The following HS6ST3 variants were observed in gnomAD, a reference collection of about 807,000 sequenced individuals.
HS6ST3 encodes heparan-sulfate 6-O-sulfotransferase 3.
HS6ST3 carries 12 observed loss-of-function variants against 36.7 expected under a neutral mutation model. The observed-to-expected ratio is 0.33, with a 90% CI of 0.21 to 0.53. The LOEUF (loss-of-function observed/expected upper bound fraction) is 0.53. Among genes scored for constraint, HS6ST3 ranks in the 20% least tolerant of loss-of-function variants. The pLI is 0.95. For synonymous variants in HS6ST3, 240 were observed against 257.5 expected (o/e 0.93, Z 0.65); for missense variants, 584 against 640.9 (o/e 0.91, Z 0.96).
At chr13:96,654,121 T>G (rs2056616515) in intron 1 of HS6ST3, among the ~76,000 whole-genome samples, 1 of 152,192 alleles carries the variant, frequency 6.6e-6, no homozygotes, top group African/African-American at 2.4e-5. Context: ...CTTTGTCAGA[T>G]GGATAGATTA....
At chr13:96,097,347 C>T (rs2139292860) in intron 1 of HS6ST3, among the ~76,000 whole-genome samples, 1 of 152,184 alleles carries the variant, frequency 6.6e-6, no homozygotes, top group East Asian at 1.9e-4. Flanking sequence ...CAATCAGAAG[C>T]TTATGGCATT....
chr13:96,297,413 G>A (rs997566065), intron 1 of HS6ST3, among the ~76,000 whole-genome samples: 4 of 152,004 alleles, frequency 2.6e-5, no homozygotes, highest in African/African-American at 9.7e-5. Context: ...TCCTATCAAA[G>A]TAATTAAACC....
chr13:96,184,537 A>G (rs2054256554), intron 1 of HS6ST3, among the ~76,000 whole-genome samples: 1 of 152,136 alleles, frequency 6.6e-6, no homozygotes, highest in African/African-American at 2.4e-5. Context: ...GCCCTAGGCC[A>G]TGCGCTTTCC....
chr13:96,357,506 G>A (rs2139434095), intron 1 of HS6ST3, among the ~76,000 whole-genome samples: 1 of 152,312 alleles, frequency 6.6e-6, no homozygotes, highest in South Asian at 2.1e-4. Context: ...TGAGGAGAGA[G>A]AGAAAGCTAG....
At chr13:96,242,310 G>A (rs2139373220) in intron 1 of HS6ST3, among the ~76,000 whole-genome samples, 1 of 150,650 alleles carries the variant, frequency 6.6e-6, no homozygotes, top group Admixed American at 6.6e-5. Context: ...CTTCAGCCTT[G>A]ACCTCCCGGG....
intron 1 of HS6ST3, among the ~76,000 whole-genome samples, chr13:96,262,346 C>T (rs2054670489): frequency 6.6e-6 from 1 of 152,116 alleles, no homozygotes; most frequent in Non-Finnish European, 1.5e-5. Flanking sequence ...AGCTTTAAGA[C>T]AGAAGCATTA....
intron 1 of HS6ST3, among the ~76,000 whole-genome samples, chr13:96,616,584 A>C (rs2056475145): frequency 6.6e-6 from 1 of 152,172 alleles, no homozygotes; most frequent in African/African-American, 2.4e-5. Context: ...TTTCATAGAA[A>C]TTACTCTGTT....
At chr13:96,209,260 G>A (rs76734085) in intron 1 of HS6ST3, among the ~76,000 whole-genome samples, 5,077 of 152,214 alleles carry the variant, frequency 0.033, 105 homozygotes, top group Middle Eastern at 0.075. Context: ...TAGCGGTAGC[G>A]GGGATCATAT....
chr13:96,255,938 C>A (rs1332151137), intron 1 of HS6ST3, among the ~76,000 whole-genome samples: 1 of 152,182 alleles, frequency 6.6e-6, no homozygotes, highest in Non-Finnish European at 1.5e-5. Flanking sequence ...ATTACCGTTT[C>A]CTTCACAAAT....
In HS6ST3 at chr13:96,704,060, C is replaced by T. The variant is rs1178161592; in HGVS notation, c.708-128430C>T. ...ACCTCTTTCGTTATAAATTGTCTGT[C>T]CTCAGGCAGTTCTTTATAGACGTGT... On this transcript the variant is annotated intron_variant, in intron 1 of 1. Coordinates refer to ENST00000376705, the MANE Select transcript of HS6ST3 (RefSeq NM_153456.4). Among the ~76,000 whole-genome samples the T allele has an allele frequency of 3.9e-5, 6 of 152,274 alleles. No homozygotes were observed. The East Asian group carries it at 5.8e-4, about 15-fold the overall frequency.
chr13:96,224,611 G>A (rs186406500), intron 1 of HS6ST3, among the ~76,000 whole-genome samples: 1,772 of 152,254 alleles, frequency 0.012, 37 homozygotes, highest in African/African-American at 0.041. Flanking sequence ...CATCACAGCC[G>A]ATCTGTATGT....
At chr13:96,200,099 C>T (rs1025497563) in intron 1 of HS6ST3, among the ~76,000 whole-genome samples, 3 of 152,152 alleles carry the variant, frequency 2.0e-5, no homozygotes, top group Admixed American at 6.5e-5. Context: ...GATAAAGTAT[C>T]AGAACTGAAA....
intron 1 of HS6ST3, among the ~76,000 whole-genome samples, chr13:96,598,240 C>T (rs879670892): frequency 8.6e-5 from 13 of 151,952 alleles, no homozygotes; most frequent in Admixed American, 4.6e-4. Flanking sequence ...ATAGGAATTG[C>T]GTTGAAACTG....
At chr13:96,396,364 T>G (rs895082991) in intron 1 of HS6ST3, among the ~76,000 whole-genome samples, 1 of 152,064 alleles carries the variant, frequency 6.6e-6, no homozygotes, top group Non-Finnish European at 1.5e-5. Context: ...TCAGATAACA[T>G]CTATAGGATA....
chr13:96,474,543 A>G (rs966005420), intron 1 of HS6ST3, among the ~76,000 whole-genome samples: 5 of 152,226 alleles, frequency 3.3e-5, no homozygotes, highest in Non-Finnish European at 7.3e-5. Flanking sequence ...GCATTACCAC[A>G]TCAATATTTT....
Position 96,799,332 on chromosome 13 carries a change from G to C in HS6ST3, c.708-33158G>C, listed in dbSNP as rs139004038. 2.4e-3 allele frequency among the ~76,000 whole-genome samples: 362 copies of C among 152,104 alleles called. 2 individuals carry two copies. The highest frequency in any genetic ancestry group is 7.9e-3 in the African/African-American group (328 of 41,494). Reference sequence around the variant, plus strand: ...CTGGTGTGAGATGGTATCTCATTGTGGTTTTGATTTGCATTTCTCTGATGG... The same window carrying C: ...CTGGTGTGAGATGGTATCTCATTGTCGTTTTGATTTGCATTTCTCTGATGG... On this transcript the variant is annotated intron_variant, in intron 1 of 1. Coordinates refer to ENST00000376705, the MANE Select transcript of HS6ST3 (RefSeq NM_153456.4).
At chr13:96,685,043 A>C (rs1874731159) in intron 1 of HS6ST3, among the ~76,000 whole-genome samples, 1 of 152,100 alleles carries the variant, frequency 6.6e-6, no homozygotes. Flanking sequence ...ATCAATACAT[A>C]AATTGAGTAT....
chr13:96,154,941 A>C (rs895589356), intron 1 of HS6ST3, among the ~76,000 whole-genome samples: 1 of 152,176 alleles, frequency 6.6e-6, no homozygotes, highest in African/African-American at 2.4e-5. Context: ...AAAGCTAAGA[A>C]TATAATACAA....
chr13:96,145,589 C>A (rs2054054047), intron 1 of HS6ST3, among the ~76,000 whole-genome samples: 1 of 151,934 alleles, frequency 6.6e-6, no homozygotes, highest in Non-Finnish European at 1.5e-5. Flanking sequence ...AAAATTTTCT[C>A]CCATTCTGTA....
Sources: gnomAD v4.1 joint callset for allele counts (sites outside exome capture counted in the v4.1 genomes callset) on GRCh38, gnomAD v4.1.1 for gene constraint, MANE v1.5 for transcripts, NCBI Gene and HGNC (gene_info 2026-07-23, HGNC 2026-07-21) for gene names.